HSF2: variants seen among roughly 807,000 people sequenced by gnomAD.
The protein encoded by HSF2 is heat shock factor protein 2.
Under a neutral mutation model 65.0 loss-of-function variants are expected in HSF2, and 21 were observed. The observed-to-expected ratio is 0.32, with a 90% CI of 0.23 to 0.47. The LOEUF (loss-of-function observed/expected upper bound fraction) is 0.47, where lower values mean the gene tolerates loss of function less well. Ranked by LOEUF, HSF2 falls within the 20% of genes least tolerant of loss-of-function variation. The pLI is 1.00. For missense variants in HSF2, 499 were observed against 628.1 expected (o/e 0.79, Z 2.20); for synonymous variants, 225 against 219.1 (o/e 1.03, Z -0.24).
intron 5 of HSF2, 54 bp from the exon 6 acceptor site, chr6:122,419,113 AG>A: frequency 1.2e-6 from 1 of 836,108 alleles, no homozygotes. Flanking sequence ...ACTTGGTAAT[AG>A]AGACAAAAGA....
Position 122,422,752 on chromosome 6 carries a change from G to C in HSF2, c.865G>C (p.Asp289His), listed in dbSNP as rs1403170920. The change falls in exon 9 of 13, where the codon GAT (aspartate) becomes CAT (histidine). Residue 289 changes from aspartate to histidine, a missense_variant. Around this residue, in one of 2 missense-constraint regions of HSF2, gnomAD observed 349 missense variants for 393.5 expected, o/e 0.89. Coordinates refer to ENST00000368455, the MANE Select transcript of HSF2 (RefSeq NM_004506.4). ...SQYPDIVIVE[D>H]DNEDEYAPVI... ...GTACCCTGATATTGTCATCGTTGAA[G>C]ATGACAATGAAGATGAGTATGCACC... The C allele has an allele frequency of 6.2e-7, 1 of 1,613,270 alleles. No individual in the cohort carries two copies. Among genetic ancestry groups the C allele is most frequent in the African/African-American group, 1.3e-5 (1 of 74,868 alleles).
Position 122,422,227 on chromosome 6 carries a change from T to C in HSF2, c.759T>C (p.Asp253=). 2 of 1,595,116 alleles carry C rather than the reference T, an allele frequency of 1.3e-6. No homozygotes were observed. Among genetic ancestry groups the C allele is most frequent in the Non-Finnish European group, 8.6e-7 (1 of 1,163,358 alleles). The stretch of plus-strand genomic sequence containing the variant: ...ACATCATTATTTATGATGTTACTGA[T>C]GATAATGCAGATGAAGAAAATATCC... The part of the protein sequence containing the change: ...SDDIIIYDVT[D]DNADEENIPV... The change falls in exon 8 of 13, where the codon GAT becomes GAC. Residue 253 remains aspartate, a synonymous_variant. Coordinates refer to ENST00000368455, the MANE Select transcript of HSF2 (RefSeq NM_004506.4).
At chr6:122,402,669 C>T (rs1021512810) in intron 1 of HSF2, among the ~76,000 whole-genome samples, 2 of 151,960 alleles carry the variant, frequency 1.3e-5, no homozygotes, top group African/African-American at 4.8e-5. Context: ...TCTTCTGCCT[C>T]AGCGTCTCGA....
intron 10 of HSF2, among the ~76,000 whole-genome samples, chr6:122,426,161 A>G (rs568668158): frequency 2.6e-5 from 4 of 152,158 alleles, no homozygotes; most frequent in Admixed American, 2.6e-4. Context: ...ATTACGCTGT[A>G]TTGTCATAAA....
chr6:122,413,238 G>A (rs1774040525), intron 3 of HSF2, among the ~76,000 whole-genome samples: 1 of 151,970 alleles, frequency 6.6e-6, no homozygotes, highest in African/African-American at 2.4e-5. Context: ...AGGCTTGGGG[G>A]AAATTGCAAG....
intron 1 of HSF2, among the ~76,000 whole-genome samples, chr6:122,402,960 G>C (rs555914516): frequency 6.6e-6 from 1 of 151,694 alleles, no homozygotes; most frequent in Admixed American, 6.6e-5. Context: ...AAATCATTGA[G>C]AACTTTTAGA....
At chr6:122,416,637 T>C (rs993848727) in intron 5 of HSF2, among the ~76,000 whole-genome samples, 1 of 152,208 alleles carries the variant, frequency 6.6e-6, no homozygotes, top group Non-Finnish European at 1.5e-5. Context: ...AACATAGCCT[T>C]ACTGGTTTTT....
At position 122,423,550 on chromosome 6, in the gene HSF2, T is replaced by TTA. The variant is rs752058842; in HGVS notation, c.1071-31_1071-30insTA. ...TAAACATAAAAACAAGGATATCTAA[T>TTA]ATTTGATTAAAAAAATTTTTTTTTC... On this transcript the variant is annotated intron_variant, in intron 9 of 12. Coordinates refer to ENST00000368455, the MANE Select transcript of HSF2 (RefSeq NM_004506.4). 6 of 1,211,510 alleles carry TTA rather than the reference T, an allele frequency of 5.0e-6. 1 individual carries two copies. In the South Asian group the frequency reaches 7.1e-5, roughly 14 times the overall value. The allele number at this position is 1,211,510 out of a possible 1,614,324, so 75.0% of individuals were successfully genotyped here.
chr6:122,404,370 T>G (rs914537842), intron 1 of HSF2, among the ~76,000 whole-genome samples: 3 of 152,138 alleles, frequency 2.0e-5, no homozygotes, highest in African/African-American at 7.2e-5. Context: ...GGGGGTAAAA[T>G]CCAACTTAGA....
rs1279387455 is a variant in HSF2, at chr6:122,420,078, G to A, written c.594-57G>A. 1.6e-5 allele frequency: 24 copies of A among 1,532,512 alleles called. No homozygotes were observed. In the East Asian group the frequency reaches 3.1e-4, roughly 20 times the overall value. 94.9% of individuals were successfully genotyped at this position (1,532,512 alleles called of 1,614,324 possible). On this transcript the variant is annotated intron_variant, in intron 6 of 12. Coordinates refer to ENST00000368455, the MANE Select transcript of HSF2 (RefSeq NM_004506.4). The stretch of plus-strand genomic sequence containing the variant: ...GTGTGTTTGGGTAAGTTAATAGAGG[G>A]AGTTTAAATTCATTGTATGTTTGCT...
At chr6:122,399,596 C>T (rs1582601316), upstream of HSF2, 1 of 648,482 alleles carries the variant, frequency 1.5e-6, no homozygotes, top group Non-Finnish European at 2.6e-6. Flanking sequence ...CCTTGCCGCG[C>T]GCCTGGCGGG....
At chr6:122,406,858 G>A (rs1199678471) in intron 1 of HSF2, among the ~76,000 whole-genome samples, 1 of 151,984 alleles carries the variant, frequency 6.6e-6, no homozygotes, top group Non-Finnish European at 1.5e-5. Flanking sequence ...ATTTCAAAAG[G>A]GATGAGGAAG....
chr6:122,423,007 C>T (rs769772052), intron 9 of HSF2, 50 bp downstream of exon 9: 5 of 1,591,888 alleles, frequency 3.1e-6, no homozygotes, highest in African/African-American at 1.3e-5. Context: ...TCTTTGTTCA[C>T]TTCACATGTT....
Position 122,412,396 on chromosome 6 carries a change from G to A in HSF2, c.117G>A (p.Leu39=). ...AGAATGGCCAAAGTTTTCTGGTCTT[G>A]GATGAGCAACGATTTGCAAAAGAAA... The part of the protein sequence containing the change: ...WSQNGQSFLV[L]DEQRFAKEIL... Residue 39 remains leucine, a synonymous_variant, in exon 2 of 13, where the codon TTG becomes TTA. Transcript: ENST00000368455. 1 of 1,610,552 alleles carries A rather than the reference G, an allele frequency of 6.2e-7. No homozygotes were observed. The highest frequency in any genetic ancestry group is 8.5e-7 in the Non-Finnish European group (1 of 1,177,382).
chr6:122,422,057 A>T, intron 7 of HSF2, 93 bp from the exon 8 acceptor site: 1 of 840,240 alleles, frequency 1.2e-6, no homozygotes, highest in Non-Finnish European at 1.9e-6. Context: ...GAGATTCAGT[A>T]AATAGTAGTT....
chr6:122,419,338 G>T (rs1337406925), intron 6 of HSF2, 109 bp downstream of exon 6: 2 of 543,410 alleles, frequency 3.7e-6, no homozygotes, highest in South Asian at 2.6e-5. Flanking sequence ...TGTCCAAAAA[G>T]AACAATTCTC....
intron 5 of HSF2, among the ~76,000 whole-genome samples, chr6:122,416,511 G>T (rs941551984): frequency 2.0e-5 from 3 of 152,102 alleles, no homozygotes; most frequent in African/African-American, 4.8e-5. Context: ...TTCCATACTC[G>T]CAGATAATGT....
chr6:122,422,742 C>A lies in HSF2; in HGVS notation c.855C>A (p.Val285=). 1.2e-6 allele frequency: 2 copies of A among 1,613,384 alleles called. No homozygotes were observed. Among genetic ancestry groups the A allele is most frequent in the South Asian group, 2.2e-5 (2 of 91,030 alleles). Residue 285 remains valine (V), a synonymous_variant, in exon 9 of 13, where the codon GTC becomes GTA. Transcript: ENST00000368455. The part of the protein sequence containing the change: ...PSNCSQYPDI[V]IVEDDNEDEY... The stretch of plus-strand genomic sequence containing the variant: ...GCTGTAGCCAGTACCCTGATATTGT[C>A]ATCGTTGAAGATGACAATGAAGATG...
chr6:122,419,203 C>T lies in HSF2; in HGVS notation c.567C>T (p.Asn189=), dbSNP rs751441674. 4 of 1,497,694 alleles carry T rather than the reference C, an allele frequency of 2.7e-6. No homozygotes were observed. The highest frequency in any genetic ancestry group is 3.5e-5 in the Admixed American group (2 of 57,946). The allele number at this position is 1,497,694 out of a possible 1,614,324, so 92.8% of individuals were successfully genotyped here. The stretch of plus-strand genomic sequence containing the variant: ...TTATTGTTACATTGGTTCAAAATAA[C>T]CAACTTGTGAGTTTAAAACGTAAAA... The part of the protein sequence containing the change: ...VQFIVTLVQN[N]QLVSLKRKRP... The change falls in exon 6 of 13, where the codon AAC becomes AAT. Residue 189 remains asparagine, a synonymous_variant. Coordinates refer to ENST00000368455, the MANE Select transcript of HSF2 (RefSeq NM_004506.4).
Sources: gnomAD v4.1 joint callset for allele counts (sites outside exome capture counted in the v4.1 genomes callset) on GRCh38, gnomAD v4.1.1 for gene constraint, gnomAD v4.1.1 regional missense constraint, MANE v1.5 for transcripts, NCBI Gene and HGNC (gene_info 2026-07-23, HGNC 2026-07-21) for gene names.